The following NHSL3 variants were observed in gnomAD, a reference collection of about 807,000 sequenced individuals.
The protein encoded by NHSL3 is NHS-like protein 3.
the NHSL3 span, among the ~76,000 whole-genome samples, chr1:32,760,912 C>T: frequency 1.3e-5 from 2 of 152,124 alleles, no homozygotes; most frequent in Non-Finnish European, 2.9e-5. Context: ...TTTGAGAGTG[C>T]CCACCTGCGG....
At chr1:32,751,547 C>T in the NHSL3 span, among the ~76,000 whole-genome samples, 2 of 152,148 alleles carry the variant, frequency 1.3e-5, no homozygotes, top group Admixed American at 6.5e-5. Flanking sequence ...GGATGGTGAA[C>T]ACGGGGTGCA....
the NHSL3 span, chr1:32,765,822 AG>A: frequency 1.9e-6 from 3 of 1,546,772 alleles, no homozygotes; most frequent in African/African-American, 4.1e-5. Flanking sequence ...CTGTTTAAGA[AG>A]AAGGGTGAGT....
the NHSL3 span, among the ~76,000 whole-genome samples, chr1:32,759,354 TG>T: frequency 3.3e-5 from 5 of 152,164 alleles, no homozygotes; most frequent in Admixed American, 1.3e-4. Context: ...ATCCATAAGA[TG>T]GGGATAATCA....
chr1:32,768,164 A>C, the NHSL3 span: 1 of 1,267,996 alleles, frequency 7.9e-7, no homozygotes, highest in Non-Finnish European at 1.1e-6. Flanking sequence ...TACCTGCTTG[A>C]CCCCTGGCAA....
At chr1:32,747,415 C>T in the NHSL3 span, among the ~76,000 whole-genome samples, 6 of 152,000 alleles carry the variant, frequency 3.9e-5, no homozygotes, top group East Asian at 1.9e-4. Flanking sequence ...CCTCATGATC[C>T]GCCCGCCTTG....
chr1:32,771,067 C>T, the NHSL3 span: 1 of 1,613,836 alleles, frequency 6.2e-7, no homozygotes, highest in Non-Finnish European at 8.5e-7. Flanking sequence ...CTCCTCTTCC[C>T]TCACGTCTTT....
chr1:32,768,906 G>GTT, the NHSL3 span: 48 of 1,163,620 alleles, frequency 4.1e-5, no homozygotes, highest in Non-Finnish European at 5.3e-5. Flanking sequence ...AGTACCCTGT[G>GTT]TCCTCTTGCA....
chr1:32,743,022 C>T, the NHSL3 span, among the ~76,000 whole-genome samples: 6,871 of 152,304 alleles, frequency 0.045, 215 homozygotes, highest in East Asian at 0.18. Flanking sequence ...GCCTGAAAGG[C>T]GGGGAAGCCG....
chr1:32,757,081 A>C, the NHSL3 span, among the ~76,000 whole-genome samples: 1 of 152,212 alleles, frequency 6.6e-6, no homozygotes, highest in Non-Finnish European at 1.5e-5. Context: ...CTTTGGTTTT[A>C]CTTGTGCTGA....
At chr1:32,767,899 C>G in the NHSL3 span, 69 of 1,614,080 alleles carry the variant, frequency 4.3e-5, no homozygotes, top group African/African-American at 5.6e-4. Context: ...GGCGACCCCC[C>G]CACCTGGAAG....
chr1:32,767,964 T>C, the NHSL3 span: 9 of 1,612,696 alleles, frequency 5.6e-6, no homozygotes, highest in Non-Finnish European at 6.8e-6. Context: ...CAAGGTAAGC[T>C]TCCTCTCCAC....
chr1:32,745,557 CA>C, the NHSL3 span, among the ~76,000 whole-genome samples: 73,243 of 91,412 alleles, frequency 0.8, 28,920 homozygotes, highest in Non-Finnish European at 0.88. Flanking sequence ...GACTAGGTCT[CA>C]AAAAAAAAAA....
the NHSL3 span, chr1:32,769,930 C>A: frequency 6.2e-7 from 1 of 1,607,522 alleles, no homozygotes; most frequent in African/African-American, 1.3e-5. Flanking sequence ...TCCTGGTGCA[C>A]GGGATGCCGT....
the NHSL3 span, among the ~76,000 whole-genome samples, chr1:32,765,446 TCTG>T: frequency 6.6e-6 from 1 of 152,212 alleles, no homozygotes; most frequent in Non-Finnish European, 1.5e-5. Flanking sequence ...GGGTGAGTGA[TCTG>T]CTGCTGGATT....
At chr1:32,758,627 G>A in the NHSL3 span, among the ~76,000 whole-genome samples, 16 of 151,966 alleles carry the variant, frequency 1.1e-4, no homozygotes, top group Non-Finnish European at 1.6e-4. Context: ...TGAGATAAGC[G>A]GAATCTCCTT....
chr1:32,762,682 CG>C, the NHSL3 span, among the ~76,000 whole-genome samples: 2 of 152,020 alleles, frequency 1.3e-5, no homozygotes, highest in African/African-American at 4.8e-5. Flanking sequence ...CTCTGCCTCC[CG>C]GATTCAAGCG....
At chr1:32,757,162 A>G in the NHSL3 span, among the ~76,000 whole-genome samples, 1 of 152,200 alleles carries the variant, frequency 6.6e-6, no homozygotes. Context: ...CTTGAGTATA[A>G]GTACTCAAGT....
At chr1:32,757,792 A>G in the NHSL3 span, among the ~76,000 whole-genome samples, 1 of 152,206 alleles carries the variant, frequency 6.6e-6, no homozygotes, top group Non-Finnish European at 1.5e-5. Context: ...TTAAAACTCA[A>G]GCCTGTCACA....
chr1:32,744,179 G>A, the NHSL3 span, among the ~76,000 whole-genome samples: 32 of 152,012 alleles, frequency 2.1e-4, no homozygotes, highest in African/African-American at 7.2e-4. Flanking sequence ...ATCTTTGCTG[G>A]GGAAGTCATT....
Sources: gnomAD v4.1 joint callset for allele counts (sites outside exome capture counted in the v4.1 genomes callset) on GRCh38, gnomAD v4.1.1 for gene constraint, MANE v1.5 for transcripts, NCBI Gene and HGNC (gene_info 2026-07-23, HGNC 2026-07-21) for gene names.